SLC6A13: variants seen among roughly 807,000 people sequenced by gnomAD.
SLC6A13 encodes sodium- and chloride-dependent GABA transporter 2.
SLC6A13 carries 69 observed loss-of-function variants against 72.9 expected under a neutral mutation model. That is an observed-to-expected ratio of 0.95 (90% CI 0.78 to 1.16). The LOEUF (loss-of-function observed/expected upper bound fraction) is 1.16, where lower values mean the gene tolerates loss of function less well. Among genes scored for constraint, SLC6A13 ranks in the 50% most tolerant of loss-of-function variants. The pLI, the probability that SLC6A13 is intolerant of heterozygous loss-of-function variation, is 0.00. For synonymous variants in SLC6A13, 303 were observed against 303.0 expected, an observed-to-expected ratio of 1.00 and a Z score of 0.00; for missense variants, 735 against 760.5, an observed-to-expected ratio of 0.97 and a Z score of 0.39.
chr12:242,697 A>G lies in SLC6A13; in HGVS notation c.395T>C (p.Val132Ala), dbSNP rs769452029. 1.9e-6 allele frequency: 3 copies of G among 1,610,286 alleles called. No individual in the cohort carries two copies. The highest frequency in any genetic ancestry group is 2.5e-6 in the Non-Finnish European group (3 of 1,178,288). The change falls in exon 4 of 15, where the codon GTG becomes GCG. Residue 132 changes from valine (V) to alanine (A), a missense_variant. Coordinates refer to ENST00000343164, the MANE Select transcript of SLC6A13 (RefSeq NM_016615.5). ...VILLNVYYIIVLAWALFYLFS... is the reference protein window; with the variant it reads ...VILLNVYYIIALAWALFYLFS... The stretch of plus-strand genomic sequence containing the variant: ...GAGGTAGAACAGGGCCCAGGCCAAC[A>G]CAATGATGTAGTAGACGTTGAGGAG...
At chr12:237,680 C>A (rs916404966) in intron 5 of SLC6A13, among the ~76,000 whole-genome samples, 1 of 152,088 alleles carries the variant, frequency 6.6e-6, no homozygotes, top group African/African-American at 2.4e-5. Flanking sequence ...CACATATGCA[C>A]ACACACTCTC....
intron 2 of SLC6A13, among the ~76,000 whole-genome samples, chr12:252,705 AG>A (rs1366989514): frequency 6.6e-6 from 1 of 152,366 alleles, no homozygotes; most frequent in Non-Finnish European, 1.5e-5. Flanking sequence ...AGCAGCTGAC[AG>A]GAACAGTCAC....
At chr12:258,848 G>T in intron 2 of SLC6A13, 1 of 867,722 alleles carries the variant, frequency 1.2e-6, no homozygotes, top group Non-Finnish European at 1.4e-6. Context: ...GCACACATTT[G>T]TGCTGCGAAA....
chr12:231,629 A>G (rs1347469878), intron 7 of SLC6A13, among the ~76,000 whole-genome samples: 1 of 152,146 alleles, frequency 6.6e-6, no homozygotes, highest in Non-Finnish European at 1.5e-5. Flanking sequence ...TGGAACACAG[A>G]TGCTCCCTGC....
intron 7 of SLC6A13, among the ~76,000 whole-genome samples, chr12:232,763 C>G (rs1300634157): frequency 6.6e-6 from 1 of 152,170 alleles, no homozygotes; most frequent in East Asian, 1.9e-4. Flanking sequence ...CACTCAGGAC[C>G]AGGGCTACTT....
At chr12:221,609 C>A in intron 13 of SLC6A13, 63 bp from the exon 14 acceptor site, 1 of 1,095,258 alleles carries the variant, frequency 9.1e-7, no homozygotes, top group Non-Finnish European at 1.3e-6. Context: ...TCAGCTCCCC[C>A]GCTCCCCAGC....
At chr12:245,142 T>C (rs1409275384) in intron 2 of SLC6A13, among the ~76,000 whole-genome samples, 1 of 152,212 alleles carries the variant, frequency 6.6e-6, no homozygotes, top group Non-Finnish European at 1.5e-5. Context: ...GTGAGAAAAC[T>C]GAGGTGAGGG....
chr12:224,535 C>A (rs772840847), intron 9 of SLC6A13, 22 bp from the exon 10 acceptor site: 2 of 1,600,594 alleles, frequency 1.2e-6, no homozygotes, highest in Admixed American at 3.3e-5. Context: ...AGCAGAGGAA[C>A]ACGGGCCAGT....
At chr12:231,333 C>T (rs1173566527) in intron 7 of SLC6A13, among the ~76,000 whole-genome samples, 1 of 152,228 alleles carries the variant, frequency 6.6e-6, no homozygotes, top group South Asian at 2.1e-4. Context: ...CAACCGGCCT[C>T]AGTGCTTGGC....
At chr12:251,426 C>A (rs1942542903) in intron 2 of SLC6A13, among the ~76,000 whole-genome samples, 4 of 152,126 alleles carry the variant, frequency 2.6e-5, no homozygotes, top group South Asian at 2.1e-4. Flanking sequence ...TACAACCCCC[C>A]AGAAATGAAC....
chr12:238,338 C>A (rs746763986), intron 4 of SLC6A13: 29 of 1,336,122 alleles, frequency 2.2e-5, no homozygotes, highest in Non-Finnish European at 2.6e-5. Flanking sequence ...TGTGCAAAGT[C>A]ACCACCTTCG....
intron 3 of SLC6A13, among the ~76,000 whole-genome samples, chr12:243,084 G>A (rs1942226654): frequency 2.0e-5 from 3 of 150,806 alleles, no homozygotes; most frequent in South Asian, 4.2e-4. Flanking sequence ...ATCTCGGCTC[G>A]CTGCAACCTC....
intron 2 of SLC6A13, 32 bp downstream of exon 2, chr12:259,819 T>A: frequency 1.2e-6 from 2 of 1,614,056 alleles, no homozygotes; most frequent in South Asian, 1.1e-5. Context: ...CTTCCAGGAG[T>A]GGGTGGGGTG....
intron 7 of SLC6A13, among the ~76,000 whole-genome samples, chr12:231,544 C>G (rs1233728267): frequency 6.6e-6 from 1 of 152,132 alleles, no homozygotes; most frequent in Non-Finnish European, 1.5e-5. Flanking sequence ...GAGACTTGGA[C>G]CAGGCAGAGA....
chr12:223,239 A>G lies in SLC6A13; in HGVS notation c.1312-5T>C, dbSNP rs1941291911. 1 of 1,576,640 alleles carries G rather than the reference A, an allele frequency of 6.3e-7. No individual in the cohort carries two copies. Among genetic ancestry groups the G allele is most frequent in the Non-Finnish European group, 8.7e-7 (1 of 1,148,024 alleles). On this transcript the variant is annotated splice_polypyrimidine_tract_variant and splice_region_variant and intron_variant, in intron 11 of 14. Transcript: ENST00000343164. ...CTGGAACACGTACATTCCGCCCTGC[A>G]TGGGAGGAGATTATTTTAAAAAGAA...
rs548926629 is a variant in SLC6A13, at chr12:238,979, G to A, written c.479-969C>T. 1.3e-3 allele frequency among the ~76,000 whole-genome samples: 196 copies of A among 150,438 alleles called. 1 individual carries two copies. Among genetic ancestry groups the A allele is most frequent in the South Asian group, 4.4e-3 (21 of 4,822 alleles). On this transcript the variant is annotated intron_variant, in intron 4 of 14. Coordinates refer to ENST00000343164, the MANE Select transcript of SLC6A13 (RefSeq NM_016615.5). ...GGTAAAGGCCTCCCGTGGGTTTCCCGTCCCACTCAAAGAAAAAAGCTGCAG... is the reference window on the plus strand; with the variant it reads ...GGTAAAGGCCTCCCGTGGGTTTCCCATCCCACTCAAAGAAAAAAGCTGCAG...
At chr12:258,863 TA>T in intron 2 of SLC6A13, 4 of 958,098 alleles carry the variant, frequency 4.2e-6, no homozygotes, top group Non-Finnish European at 5.0e-6. Context: ...GCGAAATTTT[TA>T]AAAAGAGAGC....
At chr12:229,724 C>T (rs187442096) in intron 7 of SLC6A13, among the ~76,000 whole-genome samples, 5 of 152,316 alleles carry the variant, frequency 3.3e-5, no homozygotes, top group Admixed American at 6.5e-5. Context: ...CCAGGCCTGA[C>T]GGTGCGCTGG....
At chr12:259,485 T>G in intron 2 of SLC6A13, 1 of 1,298,972 alleles carries the variant, frequency 7.7e-7, no homozygotes, top group Non-Finnish European at 9.8e-7. Context: ...TACAATGACC[T>G]TGAAAGGCAG....
Sources: gnomAD v4.1 joint callset for allele counts (sites outside exome capture counted in the v4.1 genomes callset) on GRCh38, gnomAD v4.1.1 for gene constraint, MANE v1.5 for transcripts, NCBI Gene and HGNC (gene_info 2026-07-23, HGNC 2026-07-21) for gene names.